Variants in SCN3A observed in about 807,000 individuals in gnomAD.
The protein encoded by SCN3A is sodium channel protein type 3 subunit alpha.
A neutral mutation model predicts 187.6 loss-of-function variants in SCN3A; 60 were observed. The observed-to-expected ratio is 0.32, with a 90% CI of 0.26 to 0.40. The LOEUF is 0.40. Ranked by LOEUF, SCN3A falls within the 10% of genes least tolerant of loss-of-function variation. The pLI, the probability that SCN3A is intolerant of heterozygous loss-of-function variation, is 1.00. For missense variants in SCN3A, 1,601 were observed against 2,428.2 expected (o/e 0.66, Z 7.16); for synonymous variants, 788 against 829.2 (o/e 0.95, Z 0.85).
At chr2:165,097,610 T>G in intron 22 of SCN3A, 86 bp from the exon 23 acceptor site, 1 of 1,515,844 alleles carries the variant, frequency 6.6e-7, no homozygotes, top group Non-Finnish European at 9.1e-7. Flanking sequence ...TATTAATATG[T>G]GCTTGAAAAG....
rs117345393 is a variant in SCN3A at position 165,145,737 on chromosome 2, T to G, written c.1671+1002A>C. 2.3e-3 allele frequency among the ~76,000 whole-genome samples: 354 copies of G among 152,146 alleles called. 3 individuals are homozygous for G. The East Asian group carries it at 0.039, about 17-fold the overall frequency. On this transcript the variant is annotated intron_variant, in intron 12 of 27. Coordinates refer to ENST00000283254, the MANE Select transcript of SCN3A (RefSeq NM_006922.4). Reference sequence around the variant, plus strand: ...AAATATATCATACCCCTTGGTTGATTTGCAGTTTTTGATTAAATTAATCTT... The same window carrying G: ...AAATATATCATACCCCTTGGTTGATGTGCAGTTTTTGATTAAATTAATCTT...
chr2:165,100,654 A>G (rs1162576434), intron 21 of SCN3A, among the ~76,000 whole-genome samples: 2 of 152,114 alleles, frequency 1.3e-5, no homozygotes, highest in East Asian at 1.9e-4. Flanking sequence ...ACACGTGTCA[A>G]TATCTCCAGT....
intron 18 of SCN3A, among the ~76,000 whole-genome samples, chr2:165,118,897 G>T (rs950816347): frequency 6.6e-6 from 1 of 152,110 alleles, no homozygotes; most frequent in Admixed American, 6.5e-5. Context: ...CTAGTAGCTG[G>T]GACTACAGGC....
chr2:165,115,669 G>A (rs1686337288), intron 18 of SCN3A, 94 bp from the exon 19 acceptor site: 1 of 1,157,580 alleles, frequency 8.6e-7, no homozygotes, highest in Non-Finnish European at 1.3e-6. Context: ...AAAAATAGTA[G>A]TGATAGCATT....
chr2:165,128,030 G>A lies in SCN3A; in HGVS notation c.2994C>T (p.Asp998=). The A allele has an allele frequency of 6.2e-7, 1 of 1,613,576 alleles. No homozygotes were observed. The change falls in exon 18 of 28, where the codon GAC becomes GAT. Residue 998 remains aspartate, a synonymous_variant. Coordinates refer to ENST00000283254, the MANE Select transcript of SCN3A (RefSeq NM_006922.4). ...CAATCTGCAGATTATTCATTTCATT[G>A]TCATCATCAGTAGCAGCAAGGTTGT... is the stretch of plus-strand genomic sequence containing the variant. ...SSDNLAATDD[D]NEMNNLQIAV... is the part of the protein sequence containing the mutation.
chr2:165,168,475 C>G (rs776778501), intron 5 of SCN3A, among the ~76,000 whole-genome samples: 1 of 151,914 alleles, frequency 6.6e-6, no homozygotes, highest in Non-Finnish European at 1.5e-5. Context: ...TAATTTTAGG[C>G]TAGGTGATTG....
chr2:165,095,853 T>C (rs1207311791), intron 24 of SCN3A, among the ~76,000 whole-genome samples: 1 of 152,132 alleles, frequency 6.6e-6, no homozygotes, highest in Non-Finnish European at 1.5e-5. Context: ...GATTCTCTTT[T>C]CCCATTGTGC....
chr2:165,106,598 A>G (rs1199341596), intron 21 of SCN3A, among the ~76,000 whole-genome samples: 6 of 152,188 alleles, frequency 3.9e-5, no homozygotes, highest in African/African-American at 1.2e-4. Context: ...CAATTTTCCC[A>G]TCTACACACT....
chr2:165,188,804 CAAAAAA>C (rs763003775), intron 1 of SCN3A, among the ~76,000 whole-genome samples: 2 of 72,544 alleles, frequency 2.8e-5, no homozygotes, highest in Non-Finnish European at 6.3e-5. Context: ...CGCCCCACTT[CAAAAAA>C]AAAAAAAAAA....
At chr2:165,138,153 C>A in intron 14 of SCN3A, 36 bp from the exon 15 acceptor site, 1 of 1,454,066 alleles carries the variant, frequency 6.9e-7, no homozygotes, top group Non-Finnish European at 9.7e-7. Flanking sequence ...TAGTAAATAA[C>A]AACAAAAATG....
At chr2:165,096,055 G>T (rs568703806) in intron 24 of SCN3A, among the ~76,000 whole-genome samples, 1 of 152,180 alleles carries the variant, frequency 6.6e-6, no homozygotes, top group Non-Finnish European at 1.5e-5. Context: ...ATTCTGTGGA[G>T]TTATTTTTAT....
At chr2:165,119,775 T>A (rs919012616) in intron 18 of SCN3A, 3 of 152,140 alleles carry the variant, frequency 2.0e-5, no homozygotes, top group African/African-American at 7.2e-5. Flanking sequence ...ATAGCTGTGA[T>A]ACTACAATGA....
chr2:165,189,411 G>A (rs1003970462), intron 1 of SCN3A, among the ~76,000 whole-genome samples: 1 of 152,074 alleles, frequency 6.6e-6, no homozygotes, highest in African/African-American at 2.4e-5. Context: ...TATTGGATCT[G>A]GAAATCCCCC....
At chr2:165,168,540 G>A (rs571017158) in intron 5 of SCN3A, among the ~76,000 whole-genome samples, 196 bp downstream of exon 5, 1 of 152,058 alleles carries the variant, frequency 6.6e-6, no homozygotes, top group South Asian at 2.1e-4. Context: ...AACAGATATT[G>A]TCATGATTTT....
At chr2:165,156,844 AC>A (rs1374600918) in intron 9 of SCN3A, among the ~76,000 whole-genome samples, 1 of 151,748 alleles carries the variant, frequency 6.6e-6, no homozygotes, top group Non-Finnish European at 1.5e-5. Flanking sequence ...GAGCCACCGC[AC>A]CCAGCCTTAA....
chr2:165,100,269 G>T, intron 22 of SCN3A, 33 bp downstream of exon 22: 1 of 1,607,026 alleles, frequency 6.2e-7, no homozygotes, highest in South Asian at 1.1e-5. Flanking sequence ...ATGTAATTTT[G>T]ACATGAATAA....
Position 165,138,117 on chromosome 2 carries a change from T to G in SCN3A, c.2153A>C (p.Glu718Ala), listed in dbSNP as rs1687779803. Residue 718 changes from glutamate to alanine, a missense_variant and splice_region_variant, in exon 15 of 28, where the codon GAA (glutamate) becomes GCA (alanine). Glu to Ala is a moderately radical substitution (Grantham distance 107). Around this residue, in one of 11 missense-constraint regions of SCN3A, gnomAD observed 376 missense variants for 476.0 expected, o/e 0.79. Coordinates refer to ENST00000283254, the MANE Select transcript of SCN3A (RefSeq NM_006922.4). ...ACATTTCTGTCTAGATTCTTCAAGTTCTGGAGGGACAATAACAAGGAAGAG... is the reference window on the plus strand; with the variant it reads ...ACATTTCTGTCTAGATTCTTCAAGTGCTGGAGGGACAATAACAAGGAAGAG... ...IASILTNTME[E>A]LEESRQKCPP... 6.2e-7 allele frequency: 1 copy of G among 1,605,998 alleles called. No individual in the cohort carries two copies. The highest frequency in any genetic ancestry group is 8.5e-7 in the Non-Finnish European group (1 of 1,172,800).
At chr2:165,201,052 C>G (rs971822784) in intron 1 of SCN3A, among the ~76,000 whole-genome samples, 1 of 152,012 alleles carries the variant, frequency 6.6e-6, no homozygotes, top group South Asian at 2.1e-4. Context: ...TTGGTGAAAC[C>G]TAGATTCCCT....
At chr2:165,175,115 G>C (rs959580046) in intron 3 of SCN3A, among the ~76,000 whole-genome samples, 1 of 152,102 alleles carries the variant, frequency 6.6e-6, no homozygotes, top group African/African-American at 2.4e-5. Flanking sequence ...ATTGCCTTTA[G>C]CCATCATTGA....
Sources: gnomAD v4.1 joint callset for allele counts (sites outside exome capture counted in the v4.1 genomes callset) on GRCh38, gnomAD v4.1.1 for gene constraint, gnomAD v4.1.1 regional missense constraint, MANE v1.5 for transcripts, NCBI Gene and HGNC (gene_info 2026-07-23, HGNC 2026-07-21) for gene names.